PPHLN1: variants seen among roughly 807,000 people sequenced by gnomAD.
The protein encoded by PPHLN1 is periphilin 1.
PPHLN1 carries 29 observed loss-of-function variants against 51.3 expected under a neutral mutation model. The observed-to-expected ratio is 0.57, with a 90% CI of 0.42 to 0.77. The LOEUF (loss-of-function observed/expected upper bound fraction) is 0.77, where lower values mean the gene tolerates loss of function less well. Ranked by LOEUF, PPHLN1 falls within the 30% of genes least tolerant of loss-of-function variation. The pLI is 0.00. For missense variants in PPHLN1, 436 were observed against 438.4 expected, an observed-to-expected ratio of 0.99 and a Z score of 0.05; for synonymous variants, 147 against 147.8, an observed-to-expected ratio of 0.99 and a Z score of 0.04.
chr12:42,348,933 A>C lies in PPHLN1; in HGVS notation c.73-2952A>C, dbSNP rs2072784379. Among the ~76,000 whole-genome samples, 5 of 152,186 alleles carry C rather than the reference A, an allele frequency of 3.3e-5. No homozygotes were observed. In the South Asian group the frequency reaches 1.0e-3, roughly 32 times the overall value. ...GTATCATATTTTATGTAAATGTAGA[A>C]TATATCTTATAATTTAATATCTAAC... On this transcript the variant is annotated intron_variant, in intron 2 of 9. Transcript: ENST00000358314.
intron 5 of PPHLN1, among the ~76,000 whole-genome samples, chr12:42,380,921 C>T (rs1363031841): frequency 6.6e-6 from 1 of 152,064 alleles, no homozygotes; most frequent in Non-Finnish European, 1.5e-5. Flanking sequence ...AAATTGTTTG[C>T]CAAGCGAGAC....
chr12:42,432,580 A>G (rs2082130878), intron 9 of PPHLN1, among the ~76,000 whole-genome samples: 1 of 152,184 alleles, frequency 6.6e-6, no homozygotes, highest in African/African-American at 2.4e-5. Flanking sequence ...AAACCTGAAT[A>G]AAATCCTCCA....
rs1166706496 is a variant in PPHLN1 at position 42,437,586 on chromosome 12, T to C, written c.910-3729T>C. On this transcript the variant is annotated intron_variant, in intron 9 of 9. Coordinates refer to ENST00000358314, the MANE Select transcript of PPHLN1 (RefSeq NM_201439.2). The stretch of plus-strand genomic sequence containing the variant: ...CCTGCAAGAGCATAGAGAGTTCTTA[T>C]ATGCCCGTTCTCCCTACACAGTTTC... 1.4e-4 allele frequency among the ~76,000 whole-genome samples: 21 copies of C among 152,216 alleles called. 1 individual carries two copies. Among genetic ancestry groups the C allele is most frequent in the Admixed American group, 1.4e-3 (21 of 15,288 alleles).
chr12:42,364,906 G>A (rs2075107194), intron 4 of PPHLN1, among the ~76,000 whole-genome samples: 1 of 152,188 alleles, frequency 6.6e-6, no homozygotes, highest in African/African-American at 2.4e-5. Flanking sequence ...GACAGAGGGA[G>A]ACTCCGCCTT....
At chr12:42,447,450 C>A, downstream of PPHLN1, 1 of 152,162 alleles carries the variant, frequency 6.6e-6, no homozygotes, top group Admixed American at 6.5e-5. Context: ...CTACCCCTTA[C>A]CAAGCAGTCT....
At chr12:42,380,884 C>T (rs1025669498) in intron 5 of PPHLN1, among the ~76,000 whole-genome samples, 1 of 152,158 alleles carries the variant, frequency 6.6e-6, no homozygotes, top group Non-Finnish European at 1.5e-5. Context: ...ACTTACATCT[C>T]TTAATCAACA....
chr12:42,350,976 GA>G (rs2073266915), intron 2 of PPHLN1, among the ~76,000 whole-genome samples: 1 of 151,860 alleles, frequency 6.6e-6, no homozygotes, highest in African/African-American at 2.4e-5. Flanking sequence ...AGAGGAGGGA[GA>G]GGGGGAGACC....
At chr12:42,341,311 A>G (rs919033567) in intron 2 of PPHLN1, among the ~76,000 whole-genome samples, 4 of 151,926 alleles carry the variant, frequency 2.6e-5, no homozygotes, top group Non-Finnish European at 5.9e-5. Context: ...TCTTTGCCCC[A>G]TTTATGATCA....
intron 1 of PPHLN1, 122 bp from the exon 2 acceptor site, chr12:42,335,760 AT>A (rs1324602138): frequency 0.044 from 13,543 of 305,194 alleles, no homozygotes; most frequent in East Asian, 0.057. Context: ...GGTCACTTTC[AT>A]TTTTTTTTTT....
In PPHLN1 at chr12:42,397,199, C is replaced by G. The variant is rs142357952; in HGVS notation, c.769-1655C>G. Among the ~76,000 whole-genome samples, 859 of 152,278 alleles carry G rather than the reference C, an allele frequency of 5.6e-3. 3 individuals carry two copies. Among genetic ancestry groups the G allele is most frequent in the Non-Finnish European group, 8.9e-3 (608 of 68,014 alleles). ...TCTAGAATGACCATCTTCCATGGCT[C>G]TCTTTCAAATTTATACTCATTCAGT... On this transcript the variant is annotated intron_variant, in intron 8 of 9. Coordinates refer to ENST00000358314, the MANE Select transcript of PPHLN1 (RefSeq NM_201439.2).
chr12:42,418,179 T>C (rs886517297), intron 9 of PPHLN1, among the ~76,000 whole-genome samples: 2 of 147,702 alleles, frequency 1.4e-5, no homozygotes, highest in African/African-American at 4.9e-5. Flanking sequence ...GACCTCGTGA[T>C]CTGCCCCGCC....
chr12:42,407,390 G>A (rs1393289356), intron 9 of PPHLN1, among the ~76,000 whole-genome samples: 4 of 152,260 alleles, frequency 2.6e-5, no homozygotes, highest in South Asian at 4.2e-4. Context: ...TTGCCATATG[G>A]GCCTCTCCAC....
At chr12:42,380,540 A>G (rs1477836960) in intron 5 of PPHLN1, among the ~76,000 whole-genome samples, 4 of 152,116 alleles carry the variant, frequency 2.6e-5, no homozygotes, top group Non-Finnish European at 1.5e-5. Flanking sequence ...ATGTCAATCT[A>G]ATAGAAAAAG....
chr12:42,389,325 A>G (rs1424275346), intron 7 of PPHLN1, among the ~76,000 whole-genome samples: 1 of 152,106 alleles, frequency 6.6e-6, no homozygotes, highest in Non-Finnish European at 1.5e-5. Context: ...GTGAGCCGAG[A>G]TCACGCCACT....
At chr12:42,329,725 CATT>C (rs2069401933) in intron 1 of PPHLN1, 1 of 152,044 alleles carries the variant, frequency 6.6e-6, no homozygotes, top group Non-Finnish European at 1.5e-5. Context: ...TTATAAGTGA[CATT>C]AAGAAGGTGA....
At chr12:42,374,628 GTATTTT>G in intron 4 of PPHLN1, 1 of 71,370 alleles carries the variant, frequency 1.4e-5, no homozygotes, top group Non-Finnish European at 2.9e-5. Flanking sequence ...TTTTTTTTTT[GTATTTT>G]TAGTAGAGAT....
At chr12:42,387,986 G>A (rs933846586) in intron 7 of PPHLN1, among the ~76,000 whole-genome samples, 3 of 152,178 alleles carry the variant, frequency 2.0e-5, no homozygotes, top group Admixed American at 6.5e-5. Flanking sequence ...CTCTAGTCTC[G>A]ATAAACCAGG....
intron 4 of PPHLN1, among the ~76,000 whole-genome samples, chr12:42,372,273 A>T (rs1456545492): frequency 6.6e-6 from 1 of 152,190 alleles, no homozygotes; most frequent in African/African-American, 2.4e-5. Flanking sequence ...GAGAAGAGAC[A>T]TTATTCTACT....
intron 4 of PPHLN1, among the ~76,000 whole-genome samples, chr12:42,362,589 A>G (rs1293217090): frequency 6.6e-6 from 1 of 152,164 alleles, no homozygotes; most frequent in Admixed American, 6.5e-5. Context: ...CGGGCCTTCT[A>G]TAGTGGAGAG....
Sources: gnomAD v4.1 joint callset for allele counts (sites outside exome capture counted in the v4.1 genomes callset) on GRCh38, gnomAD v4.1.1 for gene constraint, MANE v1.5 for transcripts, NCBI Gene and HGNC (gene_info 2026-07-23, HGNC 2026-07-21) for gene names.